PROM1: variants seen among roughly 807,000 people sequenced by gnomAD.
PROM1 encodes prominin-1.
Under a neutral mutation model 116.9 loss-of-function variants are expected in PROM1, and 105 were observed. The ratio of observed to expected loss-of-function variants is 0.90; its 90% CI spans 0.77 to 1.06. The LOEUF (loss-of-function observed/expected upper bound fraction) is 1.06, where lower values mean the gene tolerates loss of function less well. Among genes scored for constraint, PROM1 ranks in the 50% least tolerant of loss-of-function variants. PROM1 has a pLI of 0.00. For missense variants in PROM1, 1,122 were observed against 1,045.2 expected (o/e 1.07, Z -1.01); for synonymous variants, 393 against 387.0 (o/e 1.02, Z -0.18).
intron 2 of PROM1, among the ~76,000 whole-genome samples, chr4:16,057,611 A>G (rs536400473): frequency 3.9e-4 from 59 of 152,288 alleles, no homozygotes; most frequent in Non-Finnish European, 7.6e-4. Context: ...TGCAAGGCTA[A>G]AGAAACTTCT....
At chr4:16,063,207 A>G (rs1740750762) in intron 2 of PROM1, among the ~76,000 whole-genome samples, 1 of 152,256 alleles carries the variant, frequency 6.6e-6, no homozygotes, top group Admixed American at 6.5e-5. Context: ...AGCAAAATGC[A>G]GCCTAAGGGA....
At chr4:16,000,409 G>C in intron 14 of PROM1, 87 bp downstream of exon 14, 1 of 1,179,822 alleles carries the variant, frequency 8.5e-7, no homozygotes, top group Non-Finnish European at 1.1e-6. Flanking sequence ...TTATAAGTTT[G>C]CACTGCTCTT....
At chr4:16,054,209 C>A (rs926977893) in intron 2 of PROM1, among the ~76,000 whole-genome samples, 2 of 152,210 alleles carry the variant, frequency 1.3e-5, no homozygotes, top group East Asian at 1.9e-4. Context: ...ACTAATTATT[C>A]TTTTGGCCTC....
In PROM1 at chr4:15,980,976, A is replaced by ATTTATTG. The variant is rs1395668492; in HGVS notation, c.2374-440_2374-439insCAATAAA. 1.1e-4 allele frequency among the ~76,000 whole-genome samples: 5 copies of ATTTATTG among 45,032 alleles called. No individual in the cohort carries two copies. The East Asian group carries it at 2.7e-3, about 24-fold the overall frequency. 29.5% of individuals were successfully genotyped at this position (45,032 alleles called of 152,430 possible). ...TTATTTATTTATTTATTTATTTATT[A>ATTTATTG]TTTTAGACAGAATCTCACTCTGTCG... is the stretch of plus-strand genomic sequence containing the variant. On this transcript the variant is annotated intron_variant, in intron 23 of 27. Coordinates refer to ENST00000447510, the MANE Select transcript of PROM1 (RefSeq NM_006017.3).
intron 2 of PROM1, among the ~76,000 whole-genome samples, chr4:16,069,384 C>T (rs1039757696): frequency 2.4e-4 from 36 of 152,226 alleles, no homozygotes; most frequent in Admixed American, 2.3e-3. Context: ...AAGTTCATCA[C>T]GGCCACATAA....
intron 2 of PROM1, among the ~76,000 whole-genome samples, chr4:16,068,606 G>A (rs1742080548): frequency 6.6e-6 from 1 of 152,144 alleles, no homozygotes; most frequent in South Asian, 2.1e-4. Flanking sequence ...AGGCTCTGCT[G>A]GACTCACTGC....
At chr4:16,008,537 C>A (rs1389022694) in intron 12 of PROM1, among the ~76,000 whole-genome samples, 1 of 152,218 alleles carries the variant, frequency 6.6e-6, no homozygotes, top group East Asian at 1.9e-4. Context: ...AGATGTCCTT[C>A]TTAATTACTT....
chr4:15,995,351 A>G (rs541910684), intron 15 of PROM1, among the ~76,000 whole-genome samples: 43 of 151,522 alleles, frequency 2.8e-4, no homozygotes, highest in Middle Eastern at 3.4e-3. Context: ...GAAGAAGAAG[A>G]AGGAGGAGGA....
intron 14 of PROM1, 30 bp downstream of exon 14, chr4:16,000,466 C>T: frequency 6.5e-7 from 1 of 1,530,434 alleles, no homozygotes; most frequent in Non-Finnish European, 9.0e-7. Flanking sequence ...TGTTCAAGTC[C>T]TTTCATAATG....
In PROM1 at chr4:16,023,900, G is replaced by A. The variant is rs939190688; in HGVS notation, c.694+395C>T. ...CAGTTGAGAAGCACTAAGCTAAACC[G>A]TGGCATGCAGGGTTGAGCCCTCTCC... On this transcript the variant is annotated intron_variant, in intron 7 of 27. Transcript: ENST00000447510. Among the ~76,000 whole-genome samples, 9 of 152,124 alleles carry A rather than the reference G, an allele frequency of 5.9e-5. No homozygotes were observed. In the South Asian group the frequency reaches 6.2e-4, roughly 11 times the overall value.
At chr4:16,009,959 T>C (rs897902033) in intron 11 of PROM1, among the ~76,000 whole-genome samples, 1 of 135,538 alleles carries the variant, frequency 7.4e-6, no homozygotes, top group African/African-American at 2.8e-5. Context: ...AAAAAAAAAG[T>C]CTTCAGGAAC....
chr4:16,062,859 C>T (rs1457464732), intron 2 of PROM1, among the ~76,000 whole-genome samples: 2 of 152,040 alleles, frequency 1.3e-5, no homozygotes, highest in Non-Finnish European at 2.9e-5. Context: ...GAAAGATGCC[C>T]GTGATATAAT....
intron 26 of PROM1, among the ~76,000 whole-genome samples, chr4:15,974,808 A>C (rs1006143434): frequency 2.0e-5 from 3 of 152,080 alleles, no homozygotes; most frequent in Non-Finnish European, 4.4e-5. Flanking sequence ...TTCTCTTTGC[A>C]CTGATCATTT....
intron 22 of PROM1, among the ~76,000 whole-genome samples, chr4:15,984,749 T>C (rs1325481651): frequency 6.6e-6 from 1 of 152,262 alleles, no homozygotes. Flanking sequence ...TAATGCCTGA[T>C]GATCTGTCAC....
chr4:16,057,165 C>G (rs561103606), intron 2 of PROM1, among the ~76,000 whole-genome samples: 1 of 152,316 alleles, frequency 6.6e-6, no homozygotes, highest in South Asian at 2.1e-4. Flanking sequence ...GGCAGGCATC[C>G]GGGTAGTCAG....
At chr4:16,075,597 A>G (rs1743779887) in intron 2 of PROM1, 90 bp downstream of exon 2, 3 of 1,241,908 alleles carry the variant, frequency 2.4e-6, no homozygotes, top group East Asian at 2.6e-5. Context: ...AATACTGAAT[A>G]TATTATATAT....
intron 1 of PROM1, chr4:16,083,095 A>ACTC (rs1290035487): frequency 1.3e-5 from 2 of 150,816 alleles, no homozygotes; most frequent in African/African-American, 4.9e-5. Context: ...CCATATCCCT[A>ACTC]CTCCCGCTGT....
In PROM1 at chr4:15,976,593, G is replaced by A. The variant is rs529351740; in HGVS notation, c.2582+2802C>T. ...TCCAGCACTCAGATCTGAAGCTGGG[G>A]ATTAGCCAGAGTCCAGTTGGCTGTG... On this transcript the variant is annotated intron_variant, in intron 26 of 27. Coordinates refer to ENST00000447510, the MANE Select transcript of PROM1 (RefSeq NM_006017.3). 1.1e-4 allele frequency among the ~76,000 whole-genome samples: 17 copies of A among 152,356 alleles called. No homozygotes were observed. In the South Asian group the frequency reaches 3.1e-3, roughly 28 times the overall value.
rs537857693 is a variant in PROM1, at chr4:16,075,393, T to C, written c.220+294A>G. On this transcript the variant is annotated intron_variant, in intron 2 of 27. Coordinates refer to ENST00000447510, the MANE Select transcript of PROM1 (RefSeq NM_006017.3). The stretch of plus-strand genomic sequence containing the variant: ...TAACTTTTACCTTTGGTAAGTGCCT[T>C]AGAATAATTCATTGCTCTAACCCAA... 2.6e-5 allele frequency among the ~76,000 whole-genome samples: 4 copies of C among 152,318 alleles called. No individual in the cohort carries two copies. The East Asian group carries it at 7.7e-4, about 29-fold the overall frequency.
Sources: gnomAD v4.1 joint callset for allele counts (sites outside exome capture counted in the v4.1 genomes callset) on GRCh38, gnomAD v4.1.1 for gene constraint, MANE v1.5 for transcripts, NCBI Gene and HGNC (gene_info 2026-07-23, HGNC 2026-07-21) for gene names.